CTPS1: variants seen among roughly 807,000 people sequenced by gnomAD.
The protein encoded by CTPS1 is CTP synthetase 1.
A neutral mutation model predicts 80.5 loss-of-function variants in CTPS1; 25 were observed. The ratio of observed to expected loss-of-function variants is 0.31; its 90% CI spans 0.23 to 0.43. The LOEUF (loss-of-function observed/expected upper bound fraction) is 0.43. Ranked by LOEUF, CTPS1 falls within the 20% of genes least tolerant of loss-of-function variation. CTPS1 has a pLI of 1.00. For missense variants in CTPS1, 442 were observed against 725.7 expected, an observed-to-expected ratio of 0.61 and a Z score of 4.49; for synonymous variants, 267 against 252.5, an observed-to-expected ratio of 1.06 and a Z score of -0.54.
chr1:40,983,299 C>T lies in CTPS1; in HGVS notation c.9C>T (p.Tyr3=). The change falls in exon 2 of 19, where the codon TAC becomes TAT. Residue 3 remains tyrosine (Y), a synonymous_variant. Transcript: ENST00000650070. The stretch of plus-strand genomic sequence containing the variant: ...CCAGGTCAAAGAGTAAAATGAAGTA[C>T]ATTCTGGTTACTGGTGGTGTTATAT... MK[Y]ILVTGGVISG... 6.2e-7 allele frequency: 1 copy of T among 1,613,058 alleles called. No homozygotes were observed. Among genetic ancestry groups the T allele is most frequent in the Non-Finnish European group, 8.5e-7 (1 of 1,179,446 alleles).
chr1:41,007,672 T>C lies in CTPS1; in HGVS notation c.1393+127T>C. 3 of 703,682 alleles carry C rather than the reference T, an allele frequency of 4.3e-6. No individual in the cohort carries two copies. Among genetic ancestry groups the C allele is most frequent in the Non-Finnish European group, 7.4e-6 (3 of 408,000 alleles). 43.6% of individuals were successfully genotyped at this position (703,682 alleles called of 1,614,324 possible). Reference sequence around the variant, plus strand: ...GTTTCGTTCTTGCTTTTGAAGTTCATTCTTTCCTCTCTTATTCATACCCTT... The same window carrying C: ...GTTTCGTTCTTGCTTTTGAAGTTCACTCTTTCCTCTCTTATTCATACCCTT... On this transcript the variant is annotated intron_variant, in intron 14 of 18. Transcript: ENST00000650070. This position sits in a 1 kb window ranked among gnomAD's most constrained non-coding sequence, Gnocchi z 4.4.
intron 2 of CTPS1, 129 bp from the exon 3 acceptor site, chr1:40,984,692 A>C: frequency 1.5e-6 from 1 of 667,186 alleles, no homozygotes; most frequent in Non-Finnish European, 2.3e-6. Context: ...AGTCTTCTAG[A>C]AGTGAATTTC....
rs1393779926 is a variant in CTPS1 at position 40,991,830 on chromosome 1, T to C, written c.705T>C (p.His235=). 2 of 1,613,754 alleles carry C rather than the reference T, an allele frequency of 1.2e-6. No homozygotes were observed. Among genetic ancestry groups the C allele is most frequent in the Non-Finnish European group, 1.7e-6 (2 of 1,179,600 alleles). ...SVKEKISMFC[H]VEPEQVICVH... is the part of the protein sequence containing the mutation. ...AGGAGAAAATATCAATGTTCTGCCA[T>C]GTTGAGCCTGAACAAGTGAGTAGAA... The change falls in exon 7 of 19, where the codon CAT becomes CAC. Residue 235 remains histidine, a synonymous_variant. Transcript: ENST00000650070.
In CTPS1 at chr1:41,010,323, A is replaced by G. The variant is rs1643139306; in HGVS notation, c.*9+69A>G. ...AACACACTGCGATTGCAAGAATATC[A>G]TGGAAGTTTAGGGCTGAAAATTTTT... On this transcript the variant is annotated intron_variant, in intron 18 of 18. Transcript: ENST00000650070. 7.8e-6 allele frequency: 9 copies of G among 1,161,276 alleles called. No homozygotes were observed. The Admixed American group carries it at 1.4e-4, about 17-fold the overall frequency. 71.9% of individuals were successfully genotyped at this position (1,161,276 alleles called of 1,614,324 possible).
rs556078716 is a variant in CTPS1, at chr1:40,995,765, A to G, written c.721-152A>G. On this transcript the variant is annotated intron_variant, in intron 7 of 18. Transcript: ENST00000650070. ...AGATTGGCCACTAATTTTCTATTCT[A>G]TTCTTGAGTCTGTTTTAGTAGTTTA... 5 of 707,620 alleles carry G rather than the reference A, an allele frequency of 7.1e-6. No homozygotes were observed. The East Asian group carries it at 8.5e-5, about 12-fold the overall frequency. The allele number at this position is 707,620 out of a possible 1,614,324, so 43.8% of individuals were successfully genotyped here. A position where few individuals can be genotyped will look rare whatever the true frequency, so the allele number is the denominator to read the frequency against.
At chr1:40,986,431 T>C (rs1348413685) in intron 3 of CTPS1, among the ~76,000 whole-genome samples, 5 of 152,218 alleles carry the variant, frequency 3.3e-5, no homozygotes, top group African/African-American at 1.2e-4. Context: ...TTCTACCCAG[T>C]CGCTGGGCCG....
At position 40,983,311 on chromosome 1, in the gene CTPS1, T is replaced by A; in HGVS notation, c.21T>A (p.Thr7=). 1 of 1,613,998 alleles carries A rather than the reference T, an allele frequency of 6.2e-7. No homozygotes were observed. The highest frequency in any genetic ancestry group is 8.5e-7 in the Non-Finnish European group (1 of 1,179,902). The change falls in exon 2 of 19, where the codon ACT becomes ACA. Residue 7 remains threonine (T), a synonymous_variant. Coordinates refer to ENST00000650070, the MANE Select transcript of CTPS1 (RefSeq NM_001905.4). The part of the protein sequence containing the change: MKYILV[T]GGVISGIGKG... ...GTAAAATGAAGTACATTCTGGTTAC[T>A]GGTGGTGTTATATCAGGAATTGGAA...
chr1:40,993,255 G>A (rs968660154), intron 7 of CTPS1, among the ~76,000 whole-genome samples: 3 of 150,362 alleles, frequency 2.0e-5, no homozygotes, highest in Non-Finnish European at 3.0e-5. Flanking sequence ...TTTGCCATGC[G>A]GGCCAAGTTG....
chr1:41,001,779 C>T (rs1642910733), intron 10 of CTPS1, among the ~76,000 whole-genome samples: 2 of 151,968 alleles, frequency 1.3e-5, no homozygotes, highest in East Asian at 1.9e-4. Flanking sequence ...GGGTGTGGTC[C>T]CAGCTCCTTG....
chr1:40,985,058 C>A, intron 3 of CTPS1, 67 bp downstream of exon 3: 1 of 1,141,490 alleles, frequency 8.8e-7, no homozygotes, highest in Non-Finnish European at 1.2e-6. Flanking sequence ...CCTCCCACCT[C>A]TACACAGATG....
intron 4 of CTPS1, among the ~76,000 whole-genome samples, chr1:40,988,169 C>T (rs190810447): frequency 1.3e-5 from 2 of 152,312 alleles, no homozygotes; most frequent in Non-Finnish European, 2.9e-5. Context: ...CTGCCTTGGC[C>T]TCCCAAAGTG....
At chr1:40,988,817 A>C (rs560168978) in intron 5 of CTPS1, 107 bp downstream of exon 5, 2 of 722,178 alleles carry the variant, frequency 2.8e-6, no homozygotes, top group African/African-American at 3.5e-5. Flanking sequence ...CTTGAGGTGC[A>C]GGAAGCAGAG....
chr1:41,006,063 CAG>C lies in CTPS1; in HGVS notation c.1268_1269del (p.Glu423ValfsTer2). 6.2e-7 allele frequency: 1 copy of C among 1,613,454 alleles called. No individual in the cohort carries two copies. Among genetic ancestry groups the C allele is most frequent in the Non-Finnish European group, 8.5e-7 (1 of 1,179,402 alleles). ...TTTGGTATTTCAGATGCCAATTCTACAGAGTTTGACCCTACGACCAGTCATCC... is the reference window on the plus strand; with the variant it reads ...TTTGGTATTTCAGATGCCAATTCTACAGTTTGACCCTACGACCAGTCATCC... On this transcript the variant is annotated frameshift_variant, in exon 13 of 19. Transcript: ENST00000650070. LOFTEE classifies it high-confidence loss of function.
intron 5 of CTPS1, among the ~76,000 whole-genome samples, chr1:40,990,642 C>G (rs1331212694): frequency 6.6e-6 from 1 of 151,708 alleles, no homozygotes; most frequent in Non-Finnish European, 1.5e-5. Context: ...AGAAAAAGTC[C>G]AACAGAAAAT....
In CTPS1 at chr1:40,996,017, T is replaced by C. The variant is rs756293454; in HGVS notation, c.821T>C (p.Ile274Thr). The change falls in exon 8 of 19, where the codon ATT becomes ACT. Residue 274 changes from isoleucine (I) to threonine (T), a missense_variant. By Grantham distance (89) the Ile-to-Thr change is moderately conservative. Transcript: ENST00000650070. ...DYFLRRLDLP[I>T]ERQPRKMLMK... ...TTTCTTCGAAGACTTGACCTTCCTATTGAGAGGCAGCCAAGAAAAATGCTG... is the reference window on the plus strand; with the variant it reads ...TTTCTTCGAAGACTTGACCTTCCTACTGAGAGGCAGCCAAGAAAAATGCTG... 3 of 1,614,180 alleles carry C rather than the reference T, an allele frequency of 1.9e-6. No individual in the cohort carries two copies. Among genetic ancestry groups the C allele is most frequent in the Non-Finnish European group, 2.5e-6 (3 of 1,180,026 alleles).
chr1:41,010,193 C>G lies in CTPS1; in HGVS notation c.1724C>G (p.Ser575Cys). The change falls in exon 18 of 19, where the codon TCC (serine) becomes TGC (cysteine). Residue 575 changes from serine (S) to cysteine (C), a missense_variant. This residue lies in a region of CTPS1 where 321 missense variants were observed against 467.2 expected (regional missense o/e 0.69). Coordinates refer to ENST00000650070, the MANE Select transcript of CTPS1 (RefSeq NM_001905.4). ...DTYSDRSGSS[S>C]PDSEITELKF... ...TATAGTGACAGGAGTGGAAGCAGCTCCCCTGACTCTGAAATCACCGAACTG... is the reference window on the plus strand; with the variant it reads ...TATAGTGACAGGAGTGGAAGCAGCTGCCCTGACTCTGAAATCACCGAACTG... 6.2e-7 allele frequency: 1 copy of G among 1,613,954 alleles called. No individual in the cohort carries two copies. Among genetic ancestry groups the G allele is most frequent in the Non-Finnish European group, 8.5e-7 (1 of 1,179,840 alleles).
chr1:40,987,338 AG>A, intron 3 of CTPS1, 33 bp from the exon 4 acceptor site: 1 of 1,481,276 alleles, frequency 6.8e-7, no homozygotes, highest in Non-Finnish European at 9.4e-7. Flanking sequence ...TAGATGGACA[AG>A]CGTAAGTTCC....
intron 4 of CTPS1, 30 bp from the exon 5 acceptor site, chr1:40,988,564 C>T: frequency 2.0e-6 from 3 of 1,525,402 alleles, no homozygotes; most frequent in Non-Finnish European, 2.7e-6. Flanking sequence ...GGTTTAGTGC[C>T]TAACCTCTGA....
intron 5 of CTPS1, 24 bp from the exon 6 acceptor site, chr1:40,991,141 T>C: frequency 6.4e-7 from 1 of 1,555,950 alleles, no homozygotes; most frequent in Non-Finnish European, 8.7e-7. Context: ...ACTAACTTTT[T>C]TTTTTTTTTC....
Sources: allele counts gnomAD v4.1 joint callset (sites outside exome capture counted in the v4.1 genomes callset), GRCh38; gene constraint gnomAD v4.1.1; regional missense constraint gnomAD v4.1.1; non-coding constraint Gnocchi (gnomAD v3.1); transcripts MANE v1.5; gene names NCBI Gene and HGNC (gene_info 2026-07-23, HGNC 2026-07-21).